The following CNOT6L variants were observed in gnomAD, a reference collection of about 807,000 sequenced individuals.
CNOT6L encodes the protein CCR4-NOT transcription complex subunit 6-like.
In CNOT6L, 7 loss-of-function variants were observed where a neutral mutation model predicts 64.0. The observed-to-expected ratio is 0.11, with a 90% CI of 0.06 to 0.21. CNOT6L has a LOEUF of 0.21. CNOT6L is among the 10% of genes least tolerant of loss of function. CNOT6L has a pLI of 1.00. For synonymous variants in CNOT6L, 193 were observed against 243.4 expected (o/e 0.79, Z 1.93); for missense variants, 245 against 669.0 (o/e 0.37, Z 6.99).
At chr4:77,819,061 C>CACACACAT (rs896949890) in intron 1 of CNOT6L, 1 of 694,292 alleles carries the variant, frequency 1.4e-6, no homozygotes, top group African/African-American at 1.8e-5. Flanking sequence ...CACACACACA[C>CACACACAT]ACACACACAC....
intron 10 of CNOT6L, among the ~76,000 whole-genome samples, chr4:77,728,341 C>T (rs1013225685): frequency 3.3e-5 from 5 of 152,330 alleles, no homozygotes; most frequent in Middle Eastern, 6.8e-3. Context: ...ATCTTTATTG[C>T]ATCAACTGCA....
chr4:77,813,331 T>TAG (rs1174295061), intron 1 of CNOT6L, among the ~76,000 whole-genome samples: 3 of 151,528 alleles, frequency 2.0e-5, no homozygotes, highest in East Asian at 1.9e-4. Context: ...TAGAAATAGA[T>TAG]ATATTAGATA....
chr4:77,755,259 G>C (rs184602120), intron 5 of CNOT6L, among the ~76,000 whole-genome samples: 6,064 of 82,932 alleles, frequency 0.073, 356 homozygotes, highest in African/African-American at 0.15. Context: ...TTTTTTTTTT[G>C]AGACGGAGTC....
intron 4 of CNOT6L, among the ~76,000 whole-genome samples, chr4:77,758,567 G>C (rs1161517655): frequency 6.6e-6 from 1 of 152,180 alleles, no homozygotes; most frequent in Non-Finnish European, 1.5e-5. Context: ...ACAAACTGCT[G>C]TCCCAAACAC....
intron 1 of CNOT6L, among the ~76,000 whole-genome samples, chr4:77,781,427 T>C (rs563163975): frequency 1.2e-4 from 19 of 152,192 alleles, no homozygotes; most frequent in Admixed American, 2.6e-4. Context: ...TTATAAGCAA[T>C]ATTATATGTA....
At chr4:77,723,006 G>A (rs1577915522) in intron 11 of CNOT6L, among the ~76,000 whole-genome samples, 1 of 152,190 alleles carries the variant, frequency 6.6e-6, no homozygotes, top group East Asian at 1.9e-4. Flanking sequence ...TTACCACTAT[G>A]CTAAGCTTTT....
intron 8 of CNOT6L, among the ~76,000 whole-genome samples, chr4:77,732,396 A>G (rs1722543322): frequency 6.6e-6 from 1 of 152,088 alleles, no homozygotes; most frequent in African/African-American, 2.4e-5. Context: ...ATCAAAACCT[A>G]CTAAATACAT....
chr4:77,812,897 AT>A (rs1733119854), intron 1 of CNOT6L, among the ~76,000 whole-genome samples: 1 of 152,182 alleles, frequency 6.6e-6, no homozygotes, highest in Non-Finnish European at 1.5e-5. Flanking sequence ...AGAGTTTTTC[AT>A]TTTTTCTTCT....
At chr4:77,788,702 T>C (rs1313570568) in intron 1 of CNOT6L, among the ~76,000 whole-genome samples, 3 of 152,008 alleles carry the variant, frequency 2.0e-5, no homozygotes, top group African/African-American at 7.2e-5. Context: ...CACTCCAGCA[T>C]GGGCGACAGA....
At chr4:77,820,264 G>A (rs1172974817), upstream of CNOT6L, among the ~76,000 whole-genome samples, 1 of 152,162 alleles carries the variant, frequency 6.6e-6, no homozygotes, top group Non-Finnish European at 1.5e-5. Flanking sequence ...GGGGCTGGCG[G>A]GAGTCAGTCA....
At chr4:77,814,502 T>C (rs190654170) in intron 1 of CNOT6L, among the ~76,000 whole-genome samples, 25 of 152,334 alleles carry the variant, frequency 1.6e-4, no homozygotes, top group African/African-American at 5.0e-4. Flanking sequence ...CTAGTTCATT[T>C]GTTTTGAAAT....
intron 1 of CNOT6L, among the ~76,000 whole-genome samples, chr4:77,803,358 G>A (rs1388510705): frequency 6.6e-6 from 1 of 152,092 alleles, no homozygotes; most frequent in Non-Finnish European, 1.5e-5. Flanking sequence ...CAATTGTTGG[G>A]AGTAAAATTT....
At chr4:77,724,784 G>T (rs1413577235) in intron 11 of CNOT6L, among the ~76,000 whole-genome samples, 1 of 152,048 alleles carries the variant, frequency 6.6e-6, no homozygotes, top group Non-Finnish European at 1.5e-5. Context: ...GGGTTACGCT[G>T]GCAGATATAT....
chr4:77,733,136 G>C (rs1180517643), intron 8 of CNOT6L, among the ~76,000 whole-genome samples: 2 of 152,092 alleles, frequency 1.3e-5, no homozygotes, highest in East Asian at 1.9e-4. Context: ...AGATAAAACA[G>C]ATAAAAGCAG....
At chr4:77,750,635 G>A (rs569439466) in intron 5 of CNOT6L, among the ~76,000 whole-genome samples, 1 of 152,316 alleles carries the variant, frequency 6.6e-6, no homozygotes, top group East Asian at 1.9e-4. Context: ...TTACAGGCGT[G>A]AGCCACTGCA....
In CNOT6L at chr4:77,716,525, TG is replaced by T. The variant is rs1720764811; in HGVS notation, c.*3905del. On this transcript the variant is annotated 3_prime_UTR_variant, in exon 12 of 12. Coordinates refer to ENST00000504123, the MANE Select transcript of CNOT6L (RefSeq NM_144571.3). ...AGTGATTTTTAGAAACGCTTGGAAA[TG>T]CAAATATAAACTTAAATTTTCACCC... 1 of 152,150 alleles carries T rather than the reference TG, an allele frequency of 6.6e-6. No individual in the cohort carries two copies. Among genetic ancestry groups the T allele is most frequent in the African/African-American group, 2.4e-5 (1 of 41,464 alleles). 9.4% of individuals were successfully genotyped at this position (152,150 alleles called of 1,614,324 possible). A position where few individuals can be genotyped will look rare whatever the true frequency, so the allele number is the denominator to read the frequency against.
At chr4:77,729,941 G>GT (rs1319009465) in intron 9 of CNOT6L, among the ~76,000 whole-genome samples, 10 of 152,038 alleles carry the variant, frequency 6.6e-5, no homozygotes, top group Admixed American at 4.6e-4. Context: ...CTGTATGTTA[G>GT]TAACTCTATA....
chr4:77,800,594 C>T (rs1327002622), intron 1 of CNOT6L, among the ~76,000 whole-genome samples: 1 of 152,086 alleles, frequency 6.6e-6, no homozygotes, highest in African/African-American at 2.4e-5. Flanking sequence ...ACAGCCATCC[C>T]ATACTTTTGA....
At chr4:77,768,470 AATAAAT>A (rs1431650783) in intron 4 of CNOT6L, among the ~76,000 whole-genome samples, 60 of 134,380 alleles carry the variant, frequency 4.5e-4, no homozygotes, top group Admixed American at 2.2e-3. Context: ...GTCTAAAATA[AATAAAT>A]ATATATATAT....
Sources: allele counts gnomAD v4.1 joint callset (sites outside exome capture counted in the v4.1 genomes callset), GRCh38; gene constraint gnomAD v4.1.1; transcripts MANE v1.5; gene names NCBI Gene and HGNC (gene_info 2026-07-23, HGNC 2026-07-21).